Variants in PTPRD observed in about 807,000 individuals in gnomAD.
PTPRD encodes receptor-type tyrosine-protein phosphatase delta.
In PTPRD, 34 loss-of-function variants were observed where a neutral mutation model predicts 214.5. The observed-to-expected ratio is 0.16, with a 90% confidence interval of 0.12 to 0.21. PTPRD has a LOEUF of 0.21. PTPRD is among the 10% of genes least tolerant of loss of function. PTPRD has a pLI of 1.00. For missense variants in PTPRD, 2,545 were observed against 2,398.7 expected, an observed-to-expected ratio of 1.06 and a Z score of -1.27; for synonymous variants, 1,128 against 845.7, an observed-to-expected ratio of 1.33 and a Z score of -5.79.
At chr9:10,584,794 T>A (rs902330208) in intron 2 of PTPRD, among the ~76,000 whole-genome samples, 1 of 152,174 alleles carries the variant, frequency 6.6e-6, no homozygotes, top group Non-Finnish European at 1.5e-5. Flanking sequence ...TGAATAAATA[T>A]ATGAATAAAA....
At chr9:9,270,901 A>G (rs1210455190) in intron 9 of PTPRD, among the ~76,000 whole-genome samples, 3 of 151,262 alleles carry the variant, frequency 2.0e-5, no homozygotes, top group Non-Finnish European at 4.4e-5. Flanking sequence ...GGATAGGAGG[A>G]ATCAAAGAAC....
intron 9 of PTPRD, among the ~76,000 whole-genome samples, chr9:9,279,112 T>A (rs772223343): frequency 4.6e-5 from 7 of 151,138 alleles, no homozygotes; most frequent in Admixed American, 1.3e-4. Context: ...TGTCCATATT[T>A]TTGTGCCATG....
chr9:9,383,481 A>G (rs1175412641), intron 9 of PTPRD, among the ~76,000 whole-genome samples: 1 of 152,136 alleles, frequency 6.6e-6, no homozygotes, highest in African/African-American at 2.4e-5. Context: ...GCCAGAAAAT[A>G]TCACCAACTT....
intron 14 of PTPRD, among the ~76,000 whole-genome samples, chr9:8,592,193 A>T (rs1269390780): frequency 6.6e-6 from 1 of 152,184 alleles, no homozygotes; most frequent in African/African-American, 2.4e-5. Flanking sequence ...CCTTTCAGCT[A>T]AACTCAATGC....
chr9:9,737,779 A>T (rs2098326250), intron 6 of PTPRD, among the ~76,000 whole-genome samples: 1 of 152,214 alleles, frequency 6.6e-6, no homozygotes, highest in Non-Finnish European at 1.5e-5. Flanking sequence ...TATTATGAAT[A>T]ACAATGCTAT....
At position 10,194,375 on chromosome 9, in the gene PTPRD, G is replaced by T. The variant is rs1246804214; in HGVS notation, c.-545+146588C>A. On this transcript the variant is annotated intron_variant, in intron 3 of 45. Transcript: ENST00000381196. The stretch of plus-strand genomic sequence containing the variant: ...AGAGAGAGAGAGAGAGAGAGAGAGA[G>T]AGAGAGAGAGAGAGAGAGAGAGAGC... 6.0e-3 allele frequency among the ~76,000 whole-genome samples: 641 copies of T among 106,682 alleles called. 10 individuals carry two copies. The highest frequency in any genetic ancestry group is 0.013 in the East Asian group (43 of 3,314). The allele number at this position is 106,682 out of a possible 152,430, so 70.0% of individuals were successfully genotyped here. A position where few individuals can be genotyped will look rare whatever the true frequency, so the allele number is the denominator to read the frequency against.
At chr9:8,824,685 T>C (rs1455527221) in intron 11 of PTPRD, among the ~76,000 whole-genome samples, 5 of 152,218 alleles carry the variant, frequency 3.3e-5, no homozygotes, top group Admixed American at 6.5e-5. Flanking sequence ...TGTCAGCTGA[T>C]TGTAATGTGC....
rs982747701 is a variant in PTPRD at position 8,775,177 on chromosome 9, G to A, written c.-103-41231C>T. On this transcript the variant is annotated intron_variant, in intron 11 of 45. Transcript: ENST00000381196. ...TACATCATTAAAAAATGTCTCATAC[G>A]TCAGAGCAAACAGCAGAAGGTGAGG... is the stretch of plus-strand genomic sequence containing the variant. 3.3e-5 allele frequency among the ~76,000 whole-genome samples: 5 copies of A among 152,080 alleles called. No homozygotes were observed. In the South Asian group the frequency reaches 6.2e-4, roughly 19 times the overall value.
At chr9:9,623,886 A>G (rs143043322) in intron 7 of PTPRD, among the ~76,000 whole-genome samples, 144 of 152,304 alleles carry the variant, frequency 9.5e-4, no homozygotes, top group African/African-American at 3.3e-3. Context: ...TCTCTCTTAG[A>G]TTGCCCAAAA....
intron 3 of PTPRD, among the ~76,000 whole-genome samples, chr9:10,208,573 C>T (rs933072717): frequency 6.6e-6 from 1 of 152,176 alleles, no homozygotes; most frequent in African/African-American, 2.4e-5. Flanking sequence ...ACATAAAATG[C>T]AACTAAATTC....
intron 3 of PTPRD, among the ~76,000 whole-genome samples, chr9:10,181,427 A>G (rs2099284845): frequency 6.6e-6 from 1 of 152,144 alleles, no homozygotes; most frequent in South Asian, 2.1e-4. Context: ...CATTGTGGAT[A>G]TCTGTTTTTC....
At chr9:10,083,624 C>T (rs1016827731) in intron 3 of PTPRD, among the ~76,000 whole-genome samples, 1 of 151,870 alleles carries the variant, frequency 6.6e-6, no homozygotes, top group African/African-American at 2.4e-5. Flanking sequence ...AGAAGAAGCC[C>T]TCACAGCCAA....
chr9:8,755,795 G>C (rs766648882), intron 11 of PTPRD, among the ~76,000 whole-genome samples: 3 of 152,062 alleles, frequency 2.0e-5, no homozygotes, highest in Non-Finnish European at 4.4e-5. Flanking sequence ...AAGTAGAATT[G>C]AACTCAAATT....
intron 3 of PTPRD, among the ~76,000 whole-genome samples, chr9:10,126,500 A>G (rs981085438): frequency 6.6e-6 from 1 of 151,810 alleles, no homozygotes; most frequent in Non-Finnish European, 1.5e-5. Flanking sequence ...CTGGCCACCT[A>G]AAACTTTAGA....
rs182097662 is a variant in PTPRD at position 8,656,475 on chromosome 9, G to A, written c.65-19631C>T. 4.1e-3 allele frequency among the ~76,000 whole-genome samples: 628 copies of A among 152,242 alleles called. 3 individuals carry two copies. Among genetic ancestry groups the A allele is most frequent in the Non-Finnish European group, 5.1e-3 (348 of 68,018 alleles). ...TTGGCCTCTCTCATGGCCAGAAGTA[G>A]ATTTACCTTGACCTTAGGAAGCTTC... On this transcript the variant is annotated intron_variant, in intron 12 of 45. Coordinates refer to ENST00000381196, the MANE Select transcript of PTPRD (RefSeq NM_002839.4).
chr9:10,096,781 T>C (rs1409934966), intron 3 of PTPRD, among the ~76,000 whole-genome samples: 2 of 152,172 alleles, frequency 1.3e-5, no homozygotes, highest in African/African-American at 4.8e-5. Flanking sequence ...TTGTTGCCAT[T>C]GCTTTTGGTG....
chr9:8,706,894 G>A (rs558441173), intron 12 of PTPRD, among the ~76,000 whole-genome samples: 19 of 152,238 alleles, frequency 1.2e-4, no homozygotes, highest in Non-Finnish European at 2.5e-4. Flanking sequence ...TTATCCTCCC[G>A]TGCCACTGTC....
intron 9 of PTPRD, among the ~76,000 whole-genome samples, chr9:9,365,804 G>T (rs965654353): frequency 1.2e-4 from 18 of 151,132 alleles, no homozygotes; most frequent in Non-Finnish European, 2.2e-4. Context: ...ACAACTAAAG[G>T]CCTCATCTCC....
Position 9,790,111 on chromosome 9 carries a change from C to A in PTPRD, c.-367-23260G>T, listed in dbSNP as rs184238878. Among the ~76,000 whole-genome samples, 54 of 152,242 alleles carry A rather than the reference C, an allele frequency of 3.5e-4. No homozygotes were observed. In the East Asian group the frequency reaches 0.01, roughly 29 times the overall value. On this transcript the variant is annotated intron_variant, in intron 5 of 45. Coordinates refer to ENST00000381196, the MANE Select transcript of PTPRD (RefSeq NM_002839.4). ...AATTTTAATGTAGAGGTGGGAATAT[C>A]TGGCTGGGAATCTAGACTGTACTAT...
Sources: gnomAD v4.1 joint callset for allele counts (sites outside exome capture counted in the v4.1 genomes callset) on GRCh38, gnomAD v4.1.1 for gene constraint, MANE v1.5 for transcripts, NCBI Gene and HGNC (gene_info 2026-07-23, HGNC 2026-07-21) for gene names.